The following NAA10 variants were observed in gnomAD, a reference collection of about 807,000 sequenced individuals.
The protein encoded by NAA10 is N-alpha-acetyltransferase 10.
Under a neutral mutation model 19.2 loss-of-function variants are expected in NAA10, and 6 were observed. The observed-to-expected ratio is 0.31, with a 90% confidence interval of 0.17 to 0.62. The LOEUF is 0.62. Among genes scored for constraint, NAA10 ranks in the 20% least tolerant of loss-of-function variants. NAA10 has a pLI of 0.83. For synonymous variants in NAA10, 97 were observed against 79.9 expected (o/e 1.21, Z -1.14); for missense variants, 101 against 198.4 (o/e 0.51, Z 2.95).
At chrX:153,933,415 A>G (rs1296192435) in intron 3 of NAA10, among the ~76,000 whole-genome samples, 5 of 112,327 alleles carry the variant, frequency 4.5e-5, no homozygotes, top group Non-Finnish European at 9.4e-5. Context: ...CACGCCTGTA[A>G]TCCTAGCACT....
Position 153,929,636 on chromosome X carries a change from C to A in NAA10, c.*351G>T. On this transcript the variant is annotated 3_prime_UTR_variant, in exon 8 of 8. Coordinates refer to ENST00000464845, the MANE Select transcript of NAA10 (RefSeq NM_003491.4). ...AACTGAAGGCCACCAAGAGTGGGAG[C>A]CCTGCTGTTGAGCTTTGAGCCTGAG... 3.8e-6 allele frequency: 1 copy of A among 261,184 alleles called. No individual in the cohort carries two copies. Among genetic ancestry groups the A allele is most frequent in the East Asian group, 8.0e-5 (1 of 12,499 alleles). The allele number at this position is 261,184 out of a possible 1,213,427, so 21.5% of individuals were successfully genotyped here. A position where few individuals can be genotyped will look rare whatever the true frequency, so the allele number is the denominator to read the frequency against.
intron 1 of NAA10, 93 bp from the exon 2 acceptor site, chrX:153,934,568 C>T: frequency 1.4e-6 from 1 of 730,019 alleles, no homozygotes; most frequent in Non-Finnish European, 2.1e-6. Flanking sequence ...CTCGGCCCCG[C>T]TCCCTCGGGG....
intron 1 of NAA10, 166 bp from the exon 2 acceptor site, chrX:153,934,641 C>T (rs1299366984): frequency 4.0e-5 from 23 of 569,193 alleles, no homozygotes; most frequent in Non-Finnish European, 6.7e-5. Flanking sequence ...CAGGAGTGGG[C>T]GCCCCGGAGG....
At position 153,933,923 on chromosome X, in the gene NAA10, C is replaced by T. The variant is rs199988253; in HGVS notation, c.179+20G>A. 6.5e-4 allele frequency: 783 copies of T among 1,200,109 alleles called. 7 individuals carry two copies. The South Asian group carries it at 9.2e-3, about 14-fold the overall frequency. ...TCCACCAGACACGTGTAGCTTCTGT[C>T]TTCCTCCTTGGTGACTCACATTTTG... is the stretch of plus-strand genomic sequence containing the variant. On this transcript the variant is annotated intron_variant, in intron 3 of 7. Coordinates refer to ENST00000464845, the MANE Select transcript of NAA10 (RefSeq NM_003491.4).
chrX:153,932,708 C>T (rs1214765096), intron 3 of NAA10, 124 bp from the exon 4 acceptor site: 4 of 672,487 alleles, frequency 5.9e-6, no homozygotes, highest in African/African-American at 4.3e-5. Context: ...GGGGGAGAGC[C>T]GGGAGCCTCT....
chrX:153,932,214 A>G lies in NAA10; in HGVS notation c.342-99T>C, dbSNP rs1249783372. ...TCCTCCTGGTCCCTCCTTCCCCCCAATCCCACTTCCTGGATCTTCACCAAA... is the reference window on the plus strand; with the variant it reads ...TCCTCCTGGTCCCTCCTTCCCCCCAGTCCCACTTCCTGGATCTTCACCAAA... On this transcript the variant is annotated intron_variant, in intron 5 of 7. Coordinates refer to ENST00000464845, the MANE Select transcript of NAA10 (RefSeq NM_003491.4). 35 of 1,133,925 alleles carry G rather than the reference A, an allele frequency of 3.1e-5. No individual in the cohort carries two copies. In the Admixed American group the frequency reaches 4.3e-4, roughly 14 times the overall value. 93.4% of individuals were successfully genotyped at this position (1,133,925 alleles called of 1,213,427 possible).
At chrX:153,931,454 T>C (rs1557107356) in intron 6 of NAA10, 6 of 806,887 alleles carry the variant, frequency 7.4e-6, no homozygotes. Flanking sequence ...GTCCCTCTTC[T>C]TCATCCCCTA....
Position 153,932,724 on chromosome X carries a change from C to G in NAA10, c.180-140G>C, listed in dbSNP as rs2065174028. ...GGGGAGAGCCGGGAGCCTCTTGGAT[C>G]AGAGCAGCCGATCCTGCCACCCTCT... On this transcript the variant is annotated intron_variant, in intron 3 of 7. Coordinates refer to ENST00000464845, the MANE Select transcript of NAA10 (RefSeq NM_003491.4). The G allele has an allele frequency of 5.1e-6, 3 of 589,691 alleles. No individual in the cohort carries two copies. The Admixed American group carries it at 8.1e-5, about 16-fold the overall frequency. 48.6% of individuals were successfully genotyped at this position (589,691 alleles called of 1,213,427 possible). A position where few individuals can be genotyped will look rare whatever the true frequency, so the allele number is the denominator to read the frequency against.
chrX:153,932,897 C>CA, intron 3 of NAA10: 1 of 333,484 alleles, frequency 3.0e-6, no homozygotes, highest in Non-Finnish European at 5.3e-6. Flanking sequence ...AAAAAAAAAT[C>CA]AAAAAATTAG....
In NAA10 at chrX:153,930,784, G is replaced by A. The variant is rs199870638; in HGVS notation, c.450C>T (p.Asp150=). Reference sequence around the variant, plus strand: ...TTACCTCGTCGGCCATCTGAGTGAGGTCCCGCTTCATGGCATAGGCGTCCT... The same window carrying A: ...TTACCTCGTCGGCCATCTGAGTGAGATCCCGCTTCATGGCATAGGCGTCCT... ...DGEDAYAMKR[D]LTQMADELRR... Residue 150 remains aspartate, a synonymous_variant, in exon 7 of 8, where the codon GAC becomes GAT. Coordinates refer to ENST00000464845, the MANE Select transcript of NAA10 (RefSeq NM_003491.4). 3.3e-6 allele frequency: 4 copies of A among 1,210,401 alleles called. No individual in the cohort carries two copies. Among genetic ancestry groups the A allele is most frequent in the East Asian group, 5.9e-5 (2 of 33,766 alleles).
intron 6 of NAA10, chrX:153,931,107 G>A: frequency 9.4e-7 from 1 of 1,067,979 alleles, no homozygotes; most frequent in Non-Finnish European, 1.2e-6. Context: ...GGTTTCTTGT[G>A]AGCTGAAGCC....
chrX:153,929,839 G>T lies in NAA10; in HGVS notation c.*148C>A. ...TACTCGGGCCTGGCAGGATGCTCTGGGTCAAAAGGCCAAGGCTCACATCCC... is the reference window on the plus strand; with the variant it reads ...TACTCGGGCCTGGCAGGATGCTCTGTGTCAAAAGGCCAAGGCTCACATCCC... On this transcript the variant is annotated 3_prime_UTR_variant, in exon 8 of 8. Coordinates refer to ENST00000464845, the MANE Select transcript of NAA10 (RefSeq NM_003491.4). The T allele has an allele frequency of 1.9e-6, 1 of 516,432 alleles. No homozygotes were observed. The allele number at this position is 516,432 out of a possible 1,213,427, so 42.6% of individuals were successfully genotyped here.
At position 153,930,861 on chromosome X, in the gene NAA10, G is replaced by A. The variant is rs781850015; in HGVS notation, c.387-14C>T. On this transcript the variant is annotated splice_polypyrimidine_tract_variant and intron_variant, in intron 6 of 7. Transcript: ENST00000464845. ...ACTTCACTGATCCTGGGGGCAGAGG[G>A]TTAGAGAGCAAGGAGGAAGACCTGT... 2.5e-6 allele frequency: 3 copies of A among 1,210,078 alleles called. No homozygotes were observed. Among genetic ancestry groups the A allele is most frequent in the African/African-American group, 3.5e-5 (2 of 57,124 alleles).
intron 6 of NAA10, chrX:153,931,241 T>A (rs2065164996): frequency 4.4e-6 from 4 of 915,871 alleles, no homozygotes; most frequent in Non-Finnish European, 5.4e-6. Flanking sequence ...GGGCCGTGAC[T>A]ACACTGGGCA....
chrX:153,930,089 G>A lies in NAA10; in HGVS notation c.606C>T (p.Ala202=), dbSNP rs782608603. The A allele has an allele frequency of 9.9e-6, 12 of 1,208,578 alleles. 1 individual carries two copies. In the South Asian group the frequency reaches 1.1e-4, roughly 11 times the overall value. The part of the protein sequence containing the change: ...EACREEKGLA[A]EDSGGDSKDL... ...CCTTGCTGTCCCCACCACTATCCTC[G>A]GCAGCCAGGCCCTTCTCCTCGCGAC... The change falls in exon 8 of 8, where the codon GCC becomes GCT. Residue 202 remains alanine (A), a synonymous_variant. Transcript: ENST00000464845.
chrX:153,930,700 A>G lies in NAA10; in HGVS notation c.471+63T>C, dbSNP rs2065161576. 4.4e-6 allele frequency: 5 copies of G among 1,136,726 alleles called. No homozygotes were observed. The East Asian group carries it at 1.5e-4, about 34-fold the overall frequency. 93.7% of individuals were successfully genotyped at this position (1,136,726 alleles called of 1,213,427 possible). On this transcript the variant is annotated intron_variant, in intron 7 of 7. Transcript: ENST00000464845. ...TCCAAAGTCGGTCTCGCCTGCAGCC[A>G]CTGTCTTGGGGCTCCTGAGTGCCGC...
intron 1 of NAA10, 45 bp downstream of exon 1, chrX:153,934,839 C>G (rs2065188322): frequency 1.0e-6 from 1 of 984,878 alleles, no homozygotes; most frequent in Non-Finnish European, 1.3e-6. Context: ...GCCACCCGGC[C>G]CGGCGCCCAC....
In NAA10 at chrX:153,930,012, G is replaced by T. The variant is rs1557107111; in HGVS notation, c.683C>A (p.Ser228Ter). Residue 228 changes from serine (S) to a stop codon, truncating the protein, a stop_gained, in exon 8 of 8, where the codon TCA becomes TAA. Coordinates refer to ENST00000464845, the MANE Select transcript of NAA10 (RefSeq NM_003491.4). LOFTEE classifies it high-confidence loss of function. Reference protein sequence around the residue: ...TTESTDVKDSSEASDSAS With the variant: ...TTESTDVKDS The stretch of plus-strand genomic sequence containing the variant: ...CTAGGAGGCTGAGTCGGAGGCCTCT[G>T]AGCTGTCCTTGACATCTGTGCTCTC... The T allele has an allele frequency of 8.3e-7, 1 of 1,210,952 alleles. No homozygotes were observed. The highest frequency in any genetic ancestry group is 2.2e-5 in the Admixed American group (1 of 46,061).
intron 1 of NAA10, 198 bp downstream of exon 1, chrX:153,934,686 C>A: frequency 1.7e-6 from 1 of 586,883 alleles, no homozygotes. Context: ...CCCGACATCA[C>A]GCAAACAGGA....
Sources: gnomAD v4.1 joint callset for allele counts (sites outside exome capture counted in the v4.1 genomes callset) on GRCh38, gnomAD v4.1.1 for gene constraint, MANE v1.5 for transcripts, NCBI Gene and HGNC (gene_info 2026-07-23, HGNC 2026-07-21) for gene names.